The following WIPF2 variants were observed in gnomAD, a reference collection of about 807,000 sequenced individuals.
WIPF2 encodes WAS/WASL-interacting protein family member 2.
Under a neutral mutation model 38.8 loss-of-function variants are expected in WIPF2, and 23 were observed. That is an observed-to-expected ratio of 0.59 (90% CI 0.43 to 0.84). The LOEUF (loss-of-function observed/expected upper bound fraction) is 0.84, where lower values mean the gene tolerates loss of function less well. Ranked by LOEUF, WIPF2 falls within the 40% of genes least tolerant of loss-of-function variation. The probability of loss-of-function intolerance (pLI) is 0.00; values close to 1 mark genes in which losing one functional copy is unlikely to be tolerated. For synonymous variants in WIPF2, 210 were observed against 223.2 expected (o/e 0.94, Z 0.53); for missense variants, 574 against 580.5 (o/e 0.99, Z 0.11).
At chr17:40,265,517 C>T (rs924413906) in intron 5 of WIPF2, among the ~76,000 whole-genome samples, 2 of 151,974 alleles carry the variant, frequency 1.3e-5, no homozygotes, top group East Asian at 1.9e-4. Flanking sequence ...AAGAAAGTGA[C>T]GAGTAAGCTT....
intron 6 of WIPF2, among the ~76,000 whole-genome samples, chr17:40,276,387 G>T (rs1469998781): frequency 6.6e-6 from 1 of 151,920 alleles, no homozygotes. Flanking sequence ...AATTAGCCAG[G>T]TGTGGTGGTG....
In WIPF2 at chr17:40,264,964, A is replaced by G. The variant is rs200473088; in HGVS notation, c.788A>G (p.Asn263Ser). 44 of 1,613,846 alleles carry G rather than the reference A, an allele frequency of 2.7e-5. No individual in the cohort carries two copies. Among genetic ancestry groups the G allele is most frequent in the East Asian group, 8.9e-5 (4 of 44,878 alleles). The change falls in exon 5 of 8, where the codon AAT becomes AGT. Residue 263 changes from asparagine (N) to serine (S), a missense_variant. Physicochemically the swap from Asn to Ser is conservative, Grantham distance 46 (BLOSUM62 1). Coordinates refer to ENST00000323571, the MANE Select transcript of WIPF2 (RefSeq NM_133264.5). ...PPYRQPPGVPNGPSSPTNESA... is the reference protein window; with the variant it reads ...PPYRQPPGVPSGPSSPTNESA... ...TACCGCCAGCCTCCTGGGGTCCCCAATGGACCCTCTAGCCCCACTAATGAG... is the reference window on the plus strand; with the variant it reads ...TACCGCCAGCCTCCTGGGGTCCCCAGTGGACCCTCTAGCCCCACTAATGAG...
Position 40,284,130 on chromosome 17 carries a change from G to A in WIPF2, c.*5905G>A, listed in dbSNP as rs999731363. 1 of 152,168 alleles carries A rather than the reference G, an allele frequency of 6.6e-6. No individual in the cohort carries two copies. The highest frequency in any genetic ancestry group is 1.5e-5 in the Non-Finnish European group (1 of 68,028). 9.4% of individuals were successfully genotyped at this position (152,168 alleles called of 1,614,324 possible). ...ATGGTTAATAAACTACCTATTTATT[G>A]ATTGAATTGTTCCTCCTGACTTGAA... On this transcript the variant is annotated 3_prime_UTR_variant, in exon 8 of 8. Coordinates refer to ENST00000323571, the MANE Select transcript of WIPF2 (RefSeq NM_133264.5).
At chr17:40,233,785 C>T (rs994131612) in intron 1 of WIPF2, among the ~76,000 whole-genome samples, 6 of 151,394 alleles carry the variant, frequency 4.0e-5, no homozygotes, top group African/African-American at 7.3e-5. Flanking sequence ...AAAATTGGGC[C>T]GGGCACTGTG....
rs757858699 is a variant in WIPF2, at chr17:40,273,934, C to G, written c.1115C>G (p.Pro372Arg). 1 of 1,591,950 alleles carries G rather than the reference C, an allele frequency of 6.3e-7. No individual in the cohort carries two copies. Among genetic ancestry groups the G allele is most frequent in the Non-Finnish European group, 8.6e-7 (1 of 1,168,788 alleles). Residue 372 changes from proline (P) to arginine (R), a missense_variant, in exon 6 of 8, where the codon CCT (proline) becomes CGT (arginine). Physicochemically the swap from Pro to Arg is moderately radical, Grantham distance 103. Transcript: ENST00000323571. ...TCAAGGACGCCAGCTGGGCCACCCCCTCCTCCTCCACCGCCCCTGAGGAAT... is the reference window on the plus strand; with the variant it reads ...TCAAGGACGCCAGCTGGGCCACCCCGTCCTCCTCCACCGCCCCTGAGGAAT... Reference protein sequence around the residue: ...PPSRTPAGPPPPPPPPLRNGH... With the variant: ...PPSRTPAGPPRPPPPPLRNGH...
intron 5 of WIPF2, among the ~76,000 whole-genome samples, chr17:40,268,881 T>G (rs1322219744): frequency 6.6e-6 from 1 of 152,202 alleles, no homozygotes; most frequent in Non-Finnish European, 1.5e-5. Context: ...CTGTAAAATG[T>G]ACATTTGAAA....
chr17:40,254,412 G>C lies in WIPF2; in HGVS notation c.-69-1979G>C, dbSNP rs188692407. Reference sequence around the variant, plus strand: ...CTTGAACCTTTCTTGTCATCTGTAAGTTGTACTCATGGTGGCCATGTTATT... The same window carrying C: ...CTTGAACCTTTCTTGTCATCTGTAACTTGTACTCATGGTGGCCATGTTATT... On this transcript the variant is annotated intron_variant, in intron 1 of 7. Coordinates refer to ENST00000323571, the MANE Select transcript of WIPF2 (RefSeq NM_133264.5). 4.3e-3 allele frequency among the ~76,000 whole-genome samples: 661 copies of C among 152,234 alleles called. 2 individuals carry two copies. Among genetic ancestry groups the C allele is most frequent in the Non-Finnish European group, 7.5e-3 (511 of 68,016 alleles).
rs2031946036 is a variant in WIPF2, at chr17:40,262,540, G to C, written c.212G>C (p.Ser71Thr). The C allele has an allele frequency of 6.2e-7, 1 of 1,614,028 alleles. No homozygotes were observed. Among genetic ancestry groups the C allele is most frequent in the East Asian group, 2.2e-5 (1 of 44,884 alleles). Residue 71 changes from serine to threonine, a missense_variant, in exon 4 of 8, where the codon AGT (serine) becomes ACT (threonine). Physicochemically the swap from Ser to Thr is moderately conservative, Grantham distance 58. Coordinates refer to ENST00000323571, the MANE Select transcript of WIPF2 (RefSeq NM_133264.5). ...APILEKPKGS[S>T]GGYGSGGAAL... ...TGCTTTCCAGAGCCGAAAGGAAGCA[G>C]TGGTGGCTATGGCTCTGGAGGAGCT...
intron 5 of WIPF2, among the ~76,000 whole-genome samples, chr17:40,265,731 A>G (rs569038768): frequency 3.3e-5 from 5 of 152,266 alleles, no homozygotes; most frequent in African/African-American, 1.2e-4. Context: ...AGGATTTTGC[A>G]AAGACCTTGG....
intron 3 of WIPF2, among the ~76,000 whole-genome samples, 160 bp from the exon 4 acceptor site, chr17:40,262,365 G>T (rs945252458): frequency 5.9e-5 from 9 of 152,164 alleles, no homozygotes; most frequent in African/African-American, 2.2e-4. Context: ...TTAGCAGCAT[G>T]AGCCACTGTA....
chr17:40,271,034 G>A (rs1175526000), intron 5 of WIPF2, among the ~76,000 whole-genome samples: 2 of 152,182 alleles, frequency 1.3e-5, no homozygotes, highest in East Asian at 1.9e-4. Context: ...GTGCAGTGGC[G>A]CGATGTTGGC....
At chr17:40,243,149 A>G (rs1263021092) in intron 1 of WIPF2, among the ~76,000 whole-genome samples, 1 of 152,154 alleles carries the variant, frequency 6.6e-6, no homozygotes, top group Non-Finnish European at 1.5e-5. Flanking sequence ...AGTATCTAAT[A>G]TTTACCACAT....
Position 40,270,425 on chromosome 17 carries a change from G to C in WIPF2, c.971-3365G>C, listed in dbSNP as rs146697622. ...TGACAAAGAGCCCAGAAGCTTATTG[G>C]AGACAGCAGAACCTGGCTGGGATGA... On this transcript the variant is annotated intron_variant, in intron 5 of 7. Transcript: ENST00000323571. 6.1e-4 allele frequency among the ~76,000 whole-genome samples: 92 copies of C among 152,050 alleles called. 1 individual carries two copies. The East Asian group carries it at 0.016, about 26-fold the overall frequency.
chr17:40,240,837 C>A (rs778406214), intron 1 of WIPF2, among the ~76,000 whole-genome samples: 1 of 150,160 alleles, frequency 6.7e-6, no homozygotes, highest in Non-Finnish European at 1.5e-5. Flanking sequence ...ACCAGCTACT[C>A]GGGAGGCTGA....
intron 1 of WIPF2, among the ~76,000 whole-genome samples, chr17:40,234,438 A>T (rs565209320): frequency 6.6e-6 from 1 of 151,920 alleles, no homozygotes; most frequent in South Asian, 2.1e-4. Context: ...TCTCAAAACA[A>T]ACAAACAAAC....
intron 2 of WIPF2, among the ~76,000 whole-genome samples, chr17:40,257,244 C>T (rs978274840): frequency 3.3e-5 from 5 of 151,768 alleles, no homozygotes; most frequent in Non-Finnish European, 7.4e-5. Flanking sequence ...CCCAAAGTGC[C>T]GGGATTACAG....
chr17:40,256,587 AC>A lies in WIPF2; in HGVS notation c.63+66del. 5.9e-6 allele frequency: 9 copies of A among 1,516,486 alleles called. No individual in the cohort carries two copies. The South Asian group carries it at 1.0e-4, about 18-fold the overall frequency. 93.9% of individuals were successfully genotyped at this position (1,516,486 alleles called of 1,614,324 possible). ...GTAAATAGGTTGATGGTCCTCACAT[AC>A]TTTTTTTTTCTTTTAACTCCTTTTG... On this transcript the variant is annotated intron_variant, in intron 2 of 7. Transcript: ENST00000323571.
At chr17:40,220,614 TATATGTATATATATA>T (rs1319483379) in intron 1 of WIPF2, 21 of 101,414 alleles carry the variant, frequency 2.1e-4, no homozygotes, top group Non-Finnish European at 3.1e-4. Context: ...TATATATATA[TATATGTATATATATA>T]TATTTTTTTG....
chr17:40,236,753 C>T (rs540343969), intron 1 of WIPF2, among the ~76,000 whole-genome samples: 42 of 151,982 alleles, frequency 2.8e-4, no homozygotes, highest in Admixed American at 1.3e-4. Flanking sequence ...AGATTACAGG[C>T]GCCCACCATC....
Sources: gnomAD v4.1 joint callset for allele counts (sites outside exome capture counted in the v4.1 genomes callset) on GRCh38, gnomAD v4.1.1 for gene constraint, MANE v1.5 for transcripts, NCBI Gene and HGNC (gene_info 2026-07-23, HGNC 2026-07-21) for gene names.